Variants in AGTPBP1 observed in about 807,000 individuals in gnomAD.
AGTPBP1 encodes the protein cytosolic carboxypeptidase 1.
In AGTPBP1, 70 loss-of-function variants were observed where a neutral mutation model predicts 143.9. The ratio of observed to expected loss-of-function variants is 0.49; its 90% CI spans 0.40 to 0.59. AGTPBP1 has a LOEUF of 0.59. AGTPBP1 is among the 20% of genes least tolerant of loss of function. The pLI is 0.00. For synonymous variants in AGTPBP1, 463 were observed against 500.2 expected, an observed-to-expected ratio of 0.93 and a Z score of 0.99; for missense variants, 1,229 against 1,464.5, an observed-to-expected ratio of 0.84 and a Z score of 2.62.
chr9:85,773,223 C>T, the AGTPBP1 span, among the ~76,000 whole-genome samples: 5 of 121,752 alleles, frequency 4.1e-5, no homozygotes, highest in Non-Finnish European at 6.3e-5. Context: ...CGAGATTGCA[C>T]GACTGCACTC....
intron 2 of AGTPBP1, among the ~76,000 whole-genome samples, chr9:85,707,230 A>G (rs562836629): frequency 1.3e-5 from 2 of 152,312 alleles, no homozygotes; most frequent in East Asian, 1.9e-4. Flanking sequence ...TTAGCAGGAT[A>G]TCACCAAAAT....
At chr9:85,776,974 CTT>C in the AGTPBP1 span, among the ~76,000 whole-genome samples, 1 of 152,180 alleles carries the variant, frequency 6.6e-6, no homozygotes, top group Non-Finnish European at 1.5e-5. Flanking sequence ...TTCTGGAGAA[CTT>C]TGTCCCAGTC....
At chr9:85,742,082 C>T (rs1824361052), upstream of AGTPBP1, 2 of 1,111,606 alleles carry the variant, frequency 1.8e-6, no homozygotes, top group Non-Finnish European at 2.2e-6. Context: ...GGAGCGCACG[C>T]CCTCTTCCCG....
Position 85,575,375 on chromosome 9 carries a change from A to G in AGTPBP1, c.3443T>C (p.Leu1148Pro). Residue 1148 changes from leucine (L) to proline (P), a missense_variant, in exon 25 of 26, where the codon CTG becomes CCG. Physicochemically the swap from Leu to Pro is moderately conservative, Grantham distance 98. Transcript: ENST00000357081. ...TTCAAAGTCAAGCAGGCTGGAAGGC[A>G]GATTATACTCCAATGGAGAGGTCAG... is the stretch of plus-strand genomic sequence containing the variant. ...KRLTSPLEYN[L>P]PSSLLDFEND... 6.2e-7 allele frequency: 1 copy of G among 1,607,720 alleles called. No individual in the cohort carries two copies. Among genetic ancestry groups the G allele is most frequent in the Non-Finnish European group, 8.5e-7 (1 of 1,178,154 alleles).
chr9:85,761,198 C>G, the AGTPBP1 span, among the ~76,000 whole-genome samples: 1 of 152,232 alleles, frequency 6.6e-6, no homozygotes, highest in East Asian at 1.9e-4. Context: ...GCCATACTGC[C>G]CAAGGTAATT....
At chr9:85,674,267 T>A (rs1463777739) in intron 6 of AGTPBP1, among the ~76,000 whole-genome samples, 1 of 151,790 alleles carries the variant, frequency 6.6e-6, no homozygotes, top group Non-Finnish European at 1.5e-5. Flanking sequence ...CTCAAGAAAT[T>A]ACCATATAAT....
rs377437142 is a variant in AGTPBP1 at position 85,575,517 on chromosome 9, C to T, written c.3343-42G>A. ...ATTATGCATATAATTACAAAGTTTG[C>T]TATCTTCTGGATACAGCTCAATGAA... On this transcript the variant is annotated intron_variant, in intron 24 of 25. Coordinates refer to ENST00000357081, the MANE Select transcript of AGTPBP1 (RefSeq NM_001330701.2). 7.2e-6 allele frequency: 11 copies of T among 1,532,846 alleles called. No homozygotes were observed. The African/African-American group carries it at 1.3e-4, about 17-fold the overall frequency. 95.0% of individuals were successfully genotyped at this position (1,532,846 alleles called of 1,614,324 possible).
chr9:85,608,039 A>G (rs2133394899), intron 17 of AGTPBP1, among the ~76,000 whole-genome samples: 1 of 152,258 alleles, frequency 6.6e-6, no homozygotes, highest in Middle Eastern at 3.4e-3. Context: ...TAAATTCAAT[A>G]AGTAGCACAT....
chr9:85,750,068 G>T, the AGTPBP1 span, among the ~76,000 whole-genome samples: 1 of 151,988 alleles, frequency 6.6e-6, no homozygotes, highest in African/African-American at 2.4e-5. Flanking sequence ...CTTTTTAATA[G>T]AGACAGGGTT....
intron 18 of AGTPBP1, among the ~76,000 whole-genome samples, chr9:85,595,334 G>A (rs1321485113): frequency 6.6e-6 from 1 of 152,156 alleles, no homozygotes; most frequent in African/African-American, 2.4e-5. Context: ...GAAATGTCAG[G>A]ATTGAACTTA....
chr9:85,651,248 T>C (rs1365772592), intron 11 of AGTPBP1, among the ~76,000 whole-genome samples: 3 of 152,316 alleles, frequency 2.0e-5, no homozygotes, highest in Middle Eastern at 3.4e-3. Flanking sequence ...AAAGTGTCCA[T>C]AGTCTCCAAA....
chr9:85,627,116 G>C (rs1247032259), intron 14 of AGTPBP1, among the ~76,000 whole-genome samples: 1 of 152,146 alleles, frequency 6.6e-6, no homozygotes, highest in African/African-American at 2.4e-5. Flanking sequence ...ACAATACTTA[G>C]CTGTACTACA....
intron 1 of AGTPBP1, among the ~76,000 whole-genome samples, chr9:85,727,323 T>C (rs1224123430): frequency 6.6e-6 from 1 of 151,976 alleles, no homozygotes; most frequent in East Asian, 1.9e-4. Context: ...GGGGACATCG[T>C]CTCAAAAAAA....
chr9:85,593,141 T>C (rs927847585), intron 18 of AGTPBP1, among the ~76,000 whole-genome samples: 1 of 152,136 alleles, frequency 6.6e-6, no homozygotes, highest in African/African-American at 2.4e-5. Context: ...GATGATGTTG[T>C]TTCCTGATGT....
chr9:85,737,302 C>T (rs543887267), intron 1 of AGTPBP1, among the ~76,000 whole-genome samples: 7 of 152,234 alleles, frequency 4.6e-5, no homozygotes, highest in Middle Eastern at 3.4e-3. Context: ...GAATTGACAG[C>T]TTGAACTAGC....
At chr9:85,755,963 G>A in the AGTPBP1 span, 1 of 875,344 alleles carries the variant, frequency 1.1e-6, no homozygotes, top group Non-Finnish European at 1.7e-6. Flanking sequence ...CTAAGTGATA[G>A]TTTTTAAATG....
At chr9:85,656,001 G>C (rs947074906) in intron 10 of AGTPBP1, among the ~76,000 whole-genome samples, 1 of 152,066 alleles carries the variant, frequency 6.6e-6, no homozygotes, top group Non-Finnish European at 1.5e-5. Context: ...CTAATTTTTT[G>C]TATTTTTAGT....
intron 2 of AGTPBP1, among the ~76,000 whole-genome samples, chr9:85,705,614 T>C (rs569519311): frequency 6.6e-6 from 1 of 152,340 alleles, no homozygotes; most frequent in East Asian, 1.9e-4. Flanking sequence ...CTAAAAGTAG[T>C]GTGCTGGGTC....
Position 85,588,145 on chromosome 9 carries a change from T to C in AGTPBP1, c.2903+153A>G, listed in dbSNP as rs113088877. Among the ~76,000 whole-genome samples the C allele has an allele frequency of 3.0e-4, 45 of 152,242 alleles. 1 individual carries two copies. Among genetic ancestry groups the C allele is most frequent in the African/African-American group, 1.1e-3 (44 of 41,566 alleles). ...TCGCTAATAGTATCCAAAATGTATT[T>C]TCATTTAAAAGTTTATCTTAATTTC... is the stretch of plus-strand genomic sequence containing the variant. On this transcript the variant is annotated intron_variant, in intron 21 of 25. Transcript: ENST00000357081.
Sources: allele counts gnomAD v4.1 joint callset (sites outside exome capture counted in the v4.1 genomes callset), GRCh38; gene constraint gnomAD v4.1.1; transcripts MANE v1.5; gene names NCBI Gene and HGNC (gene_info 2026-07-23, HGNC 2026-07-21).